Variants in DPAGT1 observed in about 807,000 individuals in gnomAD.
DPAGT1 encodes the protein dolichyl-phosphate N-acetylglucosaminephosphotransferase 1, also known as UDP-N-acetylglucosamine--dolichyl-phosphate N-acetylglucosaminephosphotransferase.
DPAGT1 carries 25 observed loss-of-function variants against 39.3 expected under a neutral mutation model. That is an observed-to-expected ratio of 0.64 (90% CI 0.46 to 0.89). The LOEUF is 0.89. Ranked by LOEUF, DPAGT1 falls within the 40% of genes least tolerant of loss-of-function variation. The probability of loss-of-function intolerance (pLI) is 0.00; values close to 1 mark genes in which losing one functional copy is unlikely to be tolerated. For missense variants in DPAGT1, 381 were observed against 500.6 expected (o/e 0.76, Z 2.28); for synonymous variants, 193 against 201.4 (o/e 0.96, Z 0.36).
intron 4 of DPAGT1, among the ~76,000 whole-genome samples, chr11:119,099,745 C>A (rs1008936821): frequency 6.9e-6 from 1 of 145,608 alleles, no homozygotes; most frequent in Non-Finnish European, 1.5e-5. Context: ...CGCGCCACTG[C>A]TCTCCAGCCT....
chr11:119,097,701 G>T lies in DPAGT1; in HGVS notation c.918-150C>A. 7.1e-7 allele frequency: 1 copy of T among 1,412,778 alleles called. No individual in the cohort carries two copies. The highest frequency in any genetic ancestry group is 1.0e-6 in the Non-Finnish European group (1 of 1,002,982). 87.5% of individuals were successfully genotyped at this position (1,412,778 alleles called of 1,614,324 possible). A position where few individuals can be genotyped will look rare whatever the true frequency, so the allele number is the denominator to read the frequency against. On this transcript the variant is annotated intron_variant, in intron 6 of 8. Transcript: ENST00000354202. This position sits in a 1 kb window ranked among gnomAD's most constrained non-coding sequence, Gnocchi z 4.6. ...TATCAGAACCACTGTAGCAGATTAT[G>T]CAAATAAATGTGCTTTGTAAGTTAT...
At position 119,101,585 on chromosome 11, in the gene DPAGT1, G is replaced by A. The variant is rs1364757563; in HGVS notation, c.71C>T (p.Ala24Val). 6.2e-7 allele frequency: 1 copy of A among 1,614,138 alleles called. No homozygotes were observed. The highest frequency in any genetic ancestry group is 1.3e-5 in the African/African-American group (1 of 74,948). ...NLIVSLLGFV[A>V]TVTLIPAFRG... is the part of the protein sequence containing the mutation. ...GAAGGCCGGGATGAGGGTGACTGTG[G>A]CCACAAATCCCAGCAGCGAGACGAT... Residue 24 changes from alanine (A) to valine (V), a missense_variant, in exon 1 of 9, where the codon GCC becomes GTC. Ala to Val is a moderately conservative substitution (Grantham distance 64, BLOSUM62 0). Transcript: ENST00000354202.
intron 5 of DPAGT1, 70 bp downstream of exon 5, chr11:119,098,333 G>A: frequency 2.0e-6 from 3 of 1,517,346 alleles, no homozygotes; most frequent in Admixed American, 1.7e-5. Context: ...CCACCACAAG[G>A]TGGGTTATGA....
chr11:119,094,199 G>A (rs1019669787), downstream of DPAGT1: 1 of 152,740 alleles, frequency 6.5e-6, no homozygotes, highest in Non-Finnish European at 1.5e-5. Flanking sequence ...CCTCCTAGGA[G>A]GCAGTCACTC....
intron 4 of DPAGT1, among the ~76,000 whole-genome samples, chr11:119,099,242 T>A (rs979042127): frequency 6.6e-6 from 1 of 151,690 alleles, no homozygotes; most frequent in Admixed American, 6.6e-5. Context: ...CTGACCAACA[T>A]GGAGAAACCC....
chr11:119,095,434 C>A (rs906205438), downstream of DPAGT1: 6 of 1,461,594 alleles, frequency 4.1e-6, no homozygotes, highest in Non-Finnish European at 5.4e-6. Flanking sequence ...GGCTCAAACA[C>A]TAGAACAGAC....
intron 3 of DPAGT1, 91 bp from the exon 4 acceptor site, chr11:119,100,499 G>A (rs1264588150): frequency 2.1e-5 from 33 of 1,602,436 alleles, no homozygotes; most frequent in Non-Finnish European, 2.7e-5. Context: ...CGGACGATAG[G>A]ATGAAGGGCT....
intron 1 of DPAGT1, 93 bp downstream of exon 1, chr11:119,101,402 C>T: frequency 6.2e-7 from 1 of 1,606,670 alleles, no homozygotes; most frequent in Non-Finnish European, 8.5e-7. Context: ...TCTGAGTCTT[C>T]ACGTGTGGTC....
intron 3 of DPAGT1, 95 bp downstream of exon 3, chr11:119,100,533 CAG>C: frequency 1.9e-6 from 3 of 1,599,082 alleles, no homozygotes. Flanking sequence ...TGGGAAGACA[CAG>C]AGACAAAAAA....
intron 4 of DPAGT1, among the ~76,000 whole-genome samples, chr11:119,099,146 C>T (rs899376397): frequency 3.9e-5 from 6 of 152,202 alleles, no homozygotes; most frequent in African/African-American, 7.2e-5. Flanking sequence ...AATTCATGGC[C>T]GGGTGCGGTG....
At chr11:119,095,047 C>T (rs1018634684), downstream of DPAGT1, 1 of 1,613,720 alleles carries the variant, frequency 6.2e-7, no homozygotes, top group Non-Finnish European at 8.5e-7. Flanking sequence ...TCTTGGGCAG[C>T]AGCACGGCCT....
Position 119,101,423 on chromosome 11 carries a change from G to A in DPAGT1, c.161+72C>T, listed in dbSNP as rs536331829. ...TCTTCACGTGTGGTCAAGCACCCCG[G>A]TTCCCGCCCCTGCCCTAGCCACTCC... On this transcript the variant is annotated intron_variant, in intron 1 of 8. Transcript: ENST00000354202. The A allele has an allele frequency of 3.0e-5, 48 of 1,611,724 alleles. No homozygotes were observed. The Admixed American group carries it at 8.0e-4, about 27-fold the overall frequency.
chr11:119,097,605 C>T lies in DPAGT1; in HGVS notation c.918-54G>A. 5 of 1,594,976 alleles carry T rather than the reference C, an allele frequency of 3.1e-6. No individual in the cohort carries two copies. In the Admixed American group the frequency reaches 6.7e-5, roughly 21 times the overall value. ...TGGGCCACTATTTGAACCCTCCTCC[C>T]TGTGGCTAATAGGAAGAGCATTGAA... On this transcript the variant is annotated intron_variant, in intron 6 of 8. Transcript: ENST00000354202. The surrounding 1 kb of genome is among the most constrained non-coding windows in gnomAD (Gnocchi z 4.6).
Position 119,096,953 on chromosome 11 carries a change from C to A in DPAGT1, c.*45G>T. The A allele has an allele frequency of 6.2e-7, 1 of 1,610,396 alleles. No individual in the cohort carries two copies. Among genetic ancestry groups the A allele is most frequent in the South Asian group, 1.1e-5 (1 of 90,596 alleles). On this transcript the variant is annotated 3_prime_UTR_variant, in exon 9 of 9. Transcript: ENST00000354202. ...ACCAGAGAGAGAGGTCAGCCTGAGTCAGGAATCCTAGAGACTGTGAGGTAA... is the reference window on the plus strand; with the variant it reads ...ACCAGAGAGAGAGGTCAGCCTGAGTAAGGAATCCTAGAGACTGTGAGGTAA...
At chr11:119,098,528 C>T in intron 4 of DPAGT1, 41 bp from the exon 5 acceptor site, 1 of 1,596,646 alleles carries the variant, frequency 6.3e-7, no homozygotes, top group Non-Finnish European at 8.6e-7. Flanking sequence ...TTAATACCCA[C>T]TTCCTCTGCA....
intron 4 of DPAGT1, among the ~76,000 whole-genome samples, chr11:119,099,417 G>A (rs1443306036): frequency 2.9e-5 from 1 of 34,020 alleles, no homozygotes; most frequent in Non-Finnish European, 5.0e-5. Context: ...ACAAAACTCC[G>A]TCTCAAAAAA....
At position 119,097,094 on chromosome 11, in the gene DPAGT1, C is replaced by T. The variant is rs369392880; in HGVS notation, c.1162-31G>A. Reference sequence around the variant, plus strand: ...AGGAGAAATGGACTGGAGTAAGAATCACGCAGAAAGGGAGACACGGAGGTA... The same window carrying T: ...AGGAGAAATGGACTGGAGTAAGAATTACGCAGAAAGGGAGACACGGAGGTA... On this transcript the variant is annotated intron_variant, in intron 8 of 8. Coordinates refer to ENST00000354202, the MANE Select transcript of DPAGT1 (RefSeq NM_001382.4). The surrounding 1 kb of genome is among the most constrained non-coding windows in gnomAD (Gnocchi z 4.6). 1.3e-4 allele frequency: 205 copies of T among 1,614,060 alleles called. No homozygotes were observed. Among genetic ancestry groups the T allele is most frequent in the Non-Finnish European group, 2.8e-5 (33 of 1,180,036 alleles).
At position 119,097,267 on chromosome 11, in the gene DPAGT1, G is replaced by C. The variant is rs1592225374; in HGVS notation, c.1036C>G (p.His346Asp). 6.2e-7 allele frequency: 1 copy of C among 1,614,230 alleles called. No individual in the cohort carries two copies. Among genetic ancestry groups the C allele is most frequent in the Non-Finnish European group, 8.5e-7 (1 of 1,180,052 alleles). The change falls in exon 8 of 9, where the codon CAC becomes GAC. Residue 346 changes from histidine to aspartate, a missense_variant. His to Asp is a moderately conservative substitution (Grantham distance 81, BLOSUM62 -1). Coordinates refer to ENST00000354202, the MANE Select transcript of DPAGT1 (RefSeq NM_001382.4). The surrounding 1 kb of genome is among the most constrained non-coding windows in gnomAD (Gnocchi z 4.6). ...VAESLQLVTV[H>D]QSETEDGEFT... ...TCACCATCTTCAGTCTCACTCTGGT[G>C]TACTGTCACCAGCTGGAGGCTCTCT... is the stretch of plus-strand genomic sequence containing the variant.
chr11:119,095,950 TTTC>T (rs1010978045), downstream of DPAGT1, among the ~76,000 whole-genome samples: 2 of 151,956 alleles, frequency 1.3e-5, no homozygotes, highest in Non-Finnish European at 2.9e-5. Context: ...CCTTAAAAGT[TTTC>T]TTTTTTTTCT....
Sources: gnomAD v4.1 joint callset for allele counts (sites outside exome capture counted in the v4.1 genomes callset) on GRCh38, gnomAD v4.1.1 for gene constraint, Gnocchi (gnomAD v3.1) non-coding constraint, MANE v1.5 for transcripts, NCBI Gene and HGNC (gene_info 2026-07-23, HGNC 2026-07-21) for gene names.